Variants in NEGR1 observed in about 807,000 individuals in gnomAD.
The protein encoded by NEGR1 is neuronal growth regulator 1.
In NEGR1, 10 loss-of-function variants were observed where a neutral mutation model predicts 40.9. The observed-to-expected ratio is 0.24, with a 90% CI of 0.15 to 0.42. The LOEUF is 0.42. NEGR1 is among the 10% of genes least tolerant of loss of function. NEGR1 has a pLI of 1.00. For missense variants in NEGR1, 352 were observed against 438.9 expected (o/e 0.80, Z 1.77); for synonymous variants, 185 against 166.8 (o/e 1.11, Z -0.84).
intron 1 of NEGR1, among the ~76,000 whole-genome samples, chr1:72,200,473 C>T (rs1031604830): frequency 3.3e-5 from 5 of 151,850 alleles, no homozygotes; most frequent in South Asian, 4.1e-4. Flanking sequence ...ATTGAATACA[C>T]ATGGACACAA....
chr1:71,720,508 C>T (rs1449512990), intron 3 of NEGR1, among the ~76,000 whole-genome samples: 1 of 151,908 alleles, frequency 6.6e-6, no homozygotes, highest in Non-Finnish European at 1.5e-5. Context: ...CATTTTTTTC[C>T]CTAGAAACTC....
At chr1:72,102,167 T>C (rs1330994921) in intron 1 of NEGR1, among the ~76,000 whole-genome samples, 1 of 152,082 alleles carries the variant, frequency 6.6e-6, no homozygotes, top group Non-Finnish European at 1.5e-5. Flanking sequence ...AAGAACGCTA[T>C]AGTAGATTTA....
intron 3 of NEGR1, among the ~76,000 whole-genome samples, chr1:71,730,098 G>T (rs969891339): frequency 6.6e-6 from 1 of 151,966 alleles, no homozygotes; most frequent in African/African-American, 2.4e-5. Context: ...ATACCAAGAG[G>T]AAAAGGAGAT....
At chr1:71,578,952 A>C (rs1649044229) in intron 6 of NEGR1, among the ~76,000 whole-genome samples, 1 of 152,200 alleles carries the variant, frequency 6.6e-6, no homozygotes, top group South Asian at 2.1e-4. Flanking sequence ...AGAGAATTTA[A>C]GGCAGAGACT....
chr1:71,533,073 T>C (rs1647406347), intron 6 of NEGR1, among the ~76,000 whole-genome samples: 1 of 151,618 alleles, frequency 6.6e-6, no homozygotes, highest in Non-Finnish European at 1.5e-5. Context: ...TCCAATTTTA[T>C]GAGGTTTACA....
At chr1:71,590,593 T>A (rs1378202547) in intron 6 of NEGR1, among the ~76,000 whole-genome samples, 1 of 152,108 alleles carries the variant, frequency 6.6e-6, no homozygotes, top group East Asian at 1.9e-4. Context: ...TTTTGCTTTG[T>A]CACTAACCAT....
At chr1:71,615,536 A>G (rs915285056) in intron 4 of NEGR1, among the ~76,000 whole-genome samples, 3 of 152,220 alleles carry the variant, frequency 2.0e-5, no homozygotes, top group African/African-American at 7.2e-5. Context: ...TGGAGAGCAT[A>G]CTTGAGGTGG....
intron 6 of NEGR1, among the ~76,000 whole-genome samples, chr1:71,576,815 CT>C (rs1433692737): frequency 6.6e-6 from 1 of 152,110 alleles, no homozygotes; most frequent in Non-Finnish European, 1.5e-5. Flanking sequence ...TCCCTCTTTT[CT>C]TCTTCCTACA....
At chr1:71,788,230 T>C (rs1420985044) in intron 2 of NEGR1, among the ~76,000 whole-genome samples, 1 of 152,142 alleles carries the variant, frequency 6.6e-6, no homozygotes, top group Non-Finnish European at 1.5e-5. Flanking sequence ...CAGAGTCCTA[T>C]GGTTACATGT....
intron 1 of NEGR1, among the ~76,000 whole-genome samples, chr1:71,985,207 C>T (rs1646384441): frequency 6.6e-6 from 1 of 152,122 alleles, no homozygotes; most frequent in Non-Finnish European, 1.5e-5. Flanking sequence ...AAATCATAAT[C>T]ATAAATAAAA....
At chr1:71,551,871 C>A (rs1004141455) in intron 6 of NEGR1, among the ~76,000 whole-genome samples, 4 of 151,590 alleles carry the variant, frequency 2.6e-5, no homozygotes, top group Admixed American at 1.3e-4. Flanking sequence ...ATAATCCATT[C>A]ATATTCATGT....
At chr1:71,875,167 A>T (rs1394402271) in intron 2 of NEGR1, among the ~76,000 whole-genome samples, 1 of 152,186 alleles carries the variant, frequency 6.6e-6, no homozygotes, top group Non-Finnish European at 1.5e-5. Flanking sequence ...TTTCTATAAA[A>T]GTATACTTAT....
chr1:71,853,405 C>A (rs976158961), intron 2 of NEGR1, among the ~76,000 whole-genome samples: 2 of 151,842 alleles, frequency 1.3e-5, no homozygotes, highest in Admixed American at 6.6e-5. Flanking sequence ...AATAATTATG[C>A]GATTTATAAG....
chr1:72,077,445 T>G (rs572370173), intron 1 of NEGR1, among the ~76,000 whole-genome samples: 27 of 152,148 alleles, frequency 1.8e-4, no homozygotes, highest in African/African-American at 6.3e-4. Flanking sequence ...GAAAATAAAA[T>G]CAAACCTTTG....
chr1:71,579,297 G>T (rs1467150632), intron 6 of NEGR1, among the ~76,000 whole-genome samples: 1 of 152,030 alleles, frequency 6.6e-6, no homozygotes, highest in Non-Finnish European at 1.5e-5. Context: ...TACATTTTGT[G>T]ATAATTGCTT....
chr1:71,964,508 A>G (rs77878918), intron 1 of NEGR1, among the ~76,000 whole-genome samples: 3,493 of 152,196 alleles, frequency 0.023, 124 homozygotes, highest in African/African-American at 0.079. Flanking sequence ...TGCCACACAC[A>G]TGAATGAAGA....
chr1:71,511,262 T>A (rs1166856557), intron 6 of NEGR1, among the ~76,000 whole-genome samples: 1 of 152,228 alleles, frequency 6.6e-6, no homozygotes, highest in East Asian at 1.9e-4. Flanking sequence ...AATCCTGAAT[T>A]AAACATGTTA....
In NEGR1 at chr1:71,942,794, G is replaced by A. The variant is rs544822265; in HGVS notation, c.177-7483C>T. ...TGGGATTACAGGCGTGAGCCACCGC[G>A]CCCGGCCTAAATCTATATTTTTTAA... On this transcript the variant is annotated intron_variant, in intron 1 of 6. Coordinates refer to ENST00000357731, the MANE Select transcript of NEGR1 (RefSeq NM_173808.3). Among the ~76,000 whole-genome samples the A allele has an allele frequency of 3.8e-3, 567 of 148,564 alleles. 1 individual carries two copies. The highest frequency in any genetic ancestry group is 6.9e-3 in the Middle Eastern group (2 of 290).
intron 4 of NEGR1, among the ~76,000 whole-genome samples, chr1:71,675,773 TTTG>T (rs974099102): frequency 9.8e-5 from 14 of 143,510 alleles, no homozygotes; most frequent in African/African-American, 2.6e-4. Flanking sequence ...TTTTTTGGTT[TTTG>T]TTGTTGTTGT....
Sources: gnomAD v4.1 joint callset for allele counts (sites outside exome capture counted in the v4.1 genomes callset) on GRCh38, gnomAD v4.1.1 for gene constraint, MANE v1.5 for transcripts, NCBI Gene and HGNC (gene_info 2026-07-23, HGNC 2026-07-21) for gene names.